The following ESRRG variants were observed in gnomAD, a reference collection of about 807,000 sequenced individuals.
ESRRG encodes estrogen related receptor gamma, also known as estrogen-related receptor gamma.
Under a neutral mutation model 44.0 loss-of-function variants are expected in ESRRG, and 13 were observed. The observed-to-expected ratio is 0.30, with a 90% CI of 0.19 to 0.47. The LOEUF is 0.47. Among genes scored for constraint, ESRRG ranks in the 20% least tolerant of loss-of-function variants. ESRRG has a pLI of 1.00. For missense variants in ESRRG, 395 were observed against 580.6 expected, an observed-to-expected ratio of 0.68 and a Z score of 3.29; for synonymous variants, 215 against 214.6, an observed-to-expected ratio of 1.00 and a Z score of -0.02.
At chr1:216,957,493 T>C (rs1018189359) in intron 1 of ESRRG, among the ~76,000 whole-genome samples, 1 of 152,150 alleles carries the variant, frequency 6.6e-6, no homozygotes, top group African/African-American at 2.4e-5. Context: ...CCTTCCCCAA[T>C]ATTTTACGTC....
intron 4 of ESRRG, among the ~76,000 whole-genome samples, chr1:216,566,815 C>A (rs1224181680): frequency 1.3e-5 from 2 of 152,110 alleles, no homozygotes; most frequent in East Asian, 3.9e-4. Flanking sequence ...GTATAATCAA[C>A]ATAATGTTTT....
chr1:217,128,342 A>G (rs2092917454), intron 1 of ESRRG, among the ~76,000 whole-genome samples: 1 of 152,204 alleles, frequency 6.6e-6, no homozygotes, highest in Non-Finnish European at 1.5e-5. Flanking sequence ...TCTTTTATTA[A>G]GTTTTGTCTT....
chr1:216,822,271 G>T (rs2095313908), intron 2 of ESRRG, among the ~76,000 whole-genome samples: 1 of 152,056 alleles, frequency 6.6e-6, no homozygotes, highest in African/African-American at 2.4e-5. Flanking sequence ...ATTTCATTAA[G>T]AAATAAATAC....
intron 1 of ESRRG, among the ~76,000 whole-genome samples, chr1:217,074,048 CT>C (rs1181569293): frequency 0.024 from 3,181 of 134,288 alleles, 49 homozygotes; most frequent in African/African-American, 0.069. Context: ...ATTATGAATG[CT>C]TTTTTTTTTT....
At chr1:216,858,096 G>A (rs779199717) in intron 2 of ESRRG, among the ~76,000 whole-genome samples, 14 of 152,010 alleles carry the variant, frequency 9.2e-5, no homozygotes, top group Non-Finnish European at 4.4e-5. Flanking sequence ...ATGAGAAGAC[G>A]GATATGAAAA....
At chr1:216,813,866 C>T (rs2095051934) in intron 2 of ESRRG, among the ~76,000 whole-genome samples, 2 of 152,162 alleles carry the variant, frequency 1.3e-5, no homozygotes, top group South Asian at 2.1e-4. Flanking sequence ...TCTTACCACT[C>T]TTGTGAATTT....
At chr1:217,137,469 C>G (rs2093064977) in intron 1 of ESRRG, among the ~76,000 whole-genome samples, 1 of 152,240 alleles carries the variant, frequency 6.6e-6, no homozygotes, top group African/African-American at 2.4e-5. Flanking sequence ...CTTTCCAGCC[C>G]CCGCGAAGAC....
chr1:216,784,773 G>C (rs2094063467), intron 2 of ESRRG, among the ~76,000 whole-genome samples: 1 of 151,896 alleles, frequency 6.6e-6, no homozygotes, highest in Admixed American at 6.6e-5. Flanking sequence ...CAGTTGGTTA[G>C]TCTCTGTGTT....
rs114629253 is a variant in ESRRG at position 216,667,050 on chromosome 1, T to C, written c.472+10026A>G. ...AACCCAGACGGGTCAGGATAGGGGA[T>C]GCTCCCACACTGGAACCAGATAGGC... On this transcript the variant is annotated intron_variant, in intron 2 of 6. Coordinates refer to ENST00000408911, the MANE Select transcript of ESRRG (RefSeq NM_001438.4). Among the ~76,000 whole-genome samples the C allele has an allele frequency of 3.4e-3, 514 of 152,232 alleles. 1 individual carries two copies. Among genetic ancestry groups the C allele is most frequent in the African/African-American group, 0.012 (504 of 41,540 alleles).
intron 2 of ESRRG, among the ~76,000 whole-genome samples, chr1:216,926,208 A>T (rs1414612703): frequency 6.6e-6 from 1 of 152,324 alleles, no homozygotes; most frequent in East Asian, 1.9e-4. Flanking sequence ...GCTTCCGCAG[A>T]TCTGCACACA....
At chr1:216,515,590 A>G (rs900041667) in intron 6 of ESRRG, among the ~76,000 whole-genome samples, 3 of 152,198 alleles carry the variant, frequency 2.0e-5, no homozygotes, top group Non-Finnish European at 4.4e-5. Context: ...TGATAACCAA[A>G]TTGTTATTTG....
chr1:217,099,585 G>C (rs762386835), intron 1 of ESRRG, among the ~76,000 whole-genome samples: 1 of 152,158 alleles, frequency 6.6e-6, no homozygotes, highest in Non-Finnish European at 1.5e-5. Flanking sequence ...CACCAGACCA[G>C]GCTGAGATAT....
At chr1:216,988,177 C>T (rs1209815588) in intron 1 of ESRRG, among the ~76,000 whole-genome samples, 2 of 152,118 alleles carry the variant, frequency 1.3e-5, no homozygotes, top group South Asian at 2.1e-4. Context: ...AGTAAAGGTA[C>T]ATCTAGAGTT....
At chr1:216,728,584 T>C (rs2088040752) in intron 2 of ESRRG, among the ~76,000 whole-genome samples, 1 of 152,038 alleles carries the variant, frequency 6.6e-6, no homozygotes, top group East Asian at 1.9e-4. Context: ...CAATCCATGC[T>C]TTGATACCAG....
intron 3 of ESRRG, among the ~76,000 whole-genome samples, chr1:216,632,785 A>G (rs558827677): frequency 2.4e-4 from 36 of 152,264 alleles, no homozygotes; most frequent in Admixed American, 2.4e-3. Flanking sequence ...AGGTTCCCCA[A>G]TATGTATAAA....
chr1:216,825,208 A>C (rs2095369883), intron 2 of ESRRG, among the ~76,000 whole-genome samples: 1 of 152,222 alleles, frequency 6.6e-6, no homozygotes, highest in Admixed American at 6.5e-5. Context: ...TTCTGGGCCC[A>C]GAGACAAGTC....
intron 2 of ESRRG, among the ~76,000 whole-genome samples, chr1:216,759,939 T>A (rs936944461): frequency 3.9e-5 from 6 of 152,252 alleles, no homozygotes; most frequent in African/African-American, 1.2e-4. Flanking sequence ...ACTTGCCTAG[T>A]TCCTGCTCAA....
chr1:216,518,787 T>C (rs888835432), intron 6 of ESRRG, among the ~76,000 whole-genome samples: 1 of 152,142 alleles, frequency 6.6e-6, no homozygotes, highest in Admixed American at 6.5e-5. Context: ...GGAAAAATGG[T>C]TTGTGTGTAT....
chr1:216,889,592 T>C (rs2057493305), intron 2 of ESRRG, among the ~76,000 whole-genome samples: 1 of 152,222 alleles, frequency 6.6e-6, no homozygotes, highest in Non-Finnish European at 1.5e-5. Context: ...TGATTTCACC[T>C]AAATCTCTGG....
Sources: allele counts gnomAD v4.1 joint callset (sites outside exome capture counted in the v4.1 genomes callset), GRCh38; gene constraint gnomAD v4.1.1; transcripts MANE v1.5; gene names NCBI Gene and HGNC (gene_info 2026-07-23, HGNC 2026-07-21).